CAMTA1: variants seen among roughly 807,000 people sequenced by gnomAD.
CAMTA1 encodes calmodulin binding transcription activator 1, also known as calmodulin-binding transcription activator 1.
In CAMTA1, 27 loss-of-function variants were observed where a neutral mutation model predicts 170.9. That is an observed-to-expected ratio of 0.16 (90% CI 0.12 to 0.22). The LOEUF (loss-of-function observed/expected upper bound fraction) is 0.22, where lower values mean the gene tolerates loss of function less well. Among genes scored for constraint, CAMTA1 ranks in the 10% least tolerant of loss-of-function variants. The pLI is 1.00. For synonymous variants in CAMTA1, 833 were observed against 891.5 expected, an observed-to-expected ratio of 0.93 and a Z score of 1.17; for missense variants, 1,619 against 2,217.2, an observed-to-expected ratio of 0.73 and a Z score of 5.42.
chr1:7,319,669 T>C (rs1678069836), intron 5 of CAMTA1, among the ~76,000 whole-genome samples: 1 of 152,184 alleles, frequency 6.6e-6, no homozygotes, highest in African/African-American at 2.4e-5. Flanking sequence ...AATCATTCAT[T>C]CATTCACTCA....
chr1:6,957,795 C>T (rs1031905615), intron 3 of CAMTA1, among the ~76,000 whole-genome samples: 4 of 152,046 alleles, frequency 2.6e-5, no homozygotes, highest in South Asian at 2.1e-4. Context: ...AGGATTATGA[C>T]GTGGACATCT....
intron 5 of CAMTA1, among the ~76,000 whole-genome samples, chr1:7,265,186 A>G: frequency 6.6e-6 from 1 of 152,202 alleles, no homozygotes; most frequent in Non-Finnish European, 1.5e-5. Context: ...GCCAGCAGCC[A>G]TGAGCCACAT....
At chr1:7,153,414 C>T (rs185397581) in intron 4 of CAMTA1, among the ~76,000 whole-genome samples, 11 of 152,136 alleles carry the variant, frequency 7.2e-5, no homozygotes, top group Admixed American at 3.3e-4. Flanking sequence ...CATTTGCAAG[C>T]GTTATTTGAG....
At chr1:7,222,368 G>T (rs1209613173) in intron 4 of CAMTA1, among the ~76,000 whole-genome samples, 1 of 152,122 alleles carries the variant, frequency 6.6e-6, no homozygotes. Flanking sequence ...GCTGAGATTT[G>T]ATCCTCATGG....
chr1:7,210,300 A>G (rs1429521121), intron 4 of CAMTA1, among the ~76,000 whole-genome samples: 2 of 152,182 alleles, frequency 1.3e-5, no homozygotes, highest in Non-Finnish European at 2.9e-5. Context: ...TGCAGCATAC[A>G]GGCCATTTAT....
At chr1:7,053,440 C>G (rs1202931494) in intron 3 of CAMTA1, among the ~76,000 whole-genome samples, 1 of 152,230 alleles carries the variant, frequency 6.6e-6, no homozygotes, top group Non-Finnish European at 1.5e-5. Context: ...CCTCTGCGCC[C>G]TTGCTCTAGA....
intron 5 of CAMTA1, among the ~76,000 whole-genome samples, chr1:7,305,747 T>C (rs78477058): frequency 0.017 from 2,591 of 152,184 alleles, 83 homozygotes; most frequent in African/African-American, 0.059. Flanking sequence ...AACACTCAGA[T>C]GTGGAATGGT....
chr1:7,601,385 C>T (rs1397786925), intron 6 of CAMTA1, among the ~76,000 whole-genome samples: 14 of 151,744 alleles, frequency 9.2e-5, no homozygotes, highest in African/African-American at 2.4e-4. Flanking sequence ...AGACGATGGG[C>T]GGCCTGGCAG....
At chr1:7,321,219 G>A (rs1678369201) in intron 5 of CAMTA1, among the ~76,000 whole-genome samples, 4 of 152,174 alleles carry the variant, frequency 2.6e-5, no homozygotes. Flanking sequence ...AGCCTCCCAG[G>A]CATCCAACTT....
chr1:6,892,825 A>G (rs1184417928), intron 3 of CAMTA1, among the ~76,000 whole-genome samples: 1 of 151,984 alleles, frequency 6.6e-6, no homozygotes, highest in South Asian at 2.1e-4. Flanking sequence ...GTTCTAGACT[A>G]TGAGATCTCA....
At chr1:7,583,838 G>A (rs567317138) in intron 6 of CAMTA1, among the ~76,000 whole-genome samples, 4 of 152,236 alleles carry the variant, frequency 2.6e-5, no homozygotes, top group South Asian at 2.1e-4. Flanking sequence ...GCCGTCTCCC[G>A]GGAGGTAGAC....
intron 5 of CAMTA1, among the ~76,000 whole-genome samples, chr1:7,280,806 C>G (rs548991495): frequency 2.0e-5 from 3 of 152,278 alleles, no homozygotes; most frequent in Admixed American, 2.0e-4. Flanking sequence ...ATGACATTAG[C>G]GTCTGGAAGG....
chr1:7,581,940 C>T (rs1449276956), intron 6 of CAMTA1, among the ~76,000 whole-genome samples: 4 of 152,226 alleles, frequency 2.6e-5, no homozygotes, highest in African/African-American at 9.6e-5. Context: ...TTACACAAAG[C>T]TGCACAGCCC....
At chr1:6,924,144 CTGCCACA>C (rs559226056) in intron 3 of CAMTA1, among the ~76,000 whole-genome samples, 15 of 152,340 alleles carry the variant, frequency 9.8e-5, no homozygotes, top group Non-Finnish European at 1.6e-4. Flanking sequence ...TATTGAACAC[CTGCCACA>C]TGCCAGGCAC....
At chr1:7,571,259 A>C (rs1173269963) in intron 6 of CAMTA1, among the ~76,000 whole-genome samples, 2 of 152,150 alleles carry the variant, frequency 1.3e-5, no homozygotes, top group African/African-American at 4.8e-5. Flanking sequence ...CACAGGGTGG[A>C]AGGGGCAAGG....
chr1:7,732,365 T>C lies in CAMTA1; in HGVS notation c.2915-83T>C, dbSNP rs2096740233. 2 of 1,210,222 alleles carry C rather than the reference T, an allele frequency of 1.7e-6. No individual in the cohort carries two copies. 75.0% of individuals were successfully genotyped at this position (1,210,222 alleles called of 1,614,324 possible). A position where few individuals can be genotyped will look rare whatever the true frequency, so the allele number is the denominator to read the frequency against. ...GAAGTTACGGACGGCATTTGGATGC[T>C]GGTCCCGCAAGGCTGGCGAGGCCAC... On this transcript the variant is annotated intron_variant, in intron 11 of 22. Coordinates refer to ENST00000303635, the MANE Select transcript of CAMTA1 (RefSeq NM_015215.4). The surrounding 1 kb of genome is among the most constrained non-coding windows in gnomAD (Gnocchi z 4.1).
chr1:7,706,269 A>G (rs951741834), intron 11 of CAMTA1, among the ~76,000 whole-genome samples: 1 of 152,246 alleles, frequency 6.6e-6, no homozygotes, highest in Non-Finnish European at 1.5e-5. Flanking sequence ...AGATAACTAC[A>G]GAAATGCCTC....
chr1:7,230,872 C>T (rs527751767), intron 4 of CAMTA1, among the ~76,000 whole-genome samples: 1 of 152,198 alleles, frequency 6.6e-6, no homozygotes, highest in Admixed American at 6.5e-5. Flanking sequence ...GGCCCTCAGT[C>T]CTGTCTTGTT....
chr1:7,214,730 TG>T (rs796701322), intron 4 of CAMTA1, among the ~76,000 whole-genome samples: 66 of 152,308 alleles, frequency 4.3e-4, no homozygotes, highest in African/African-American at 1.5e-3. Flanking sequence ...GTGCTTTAGG[TG>T]TTAAGTTTAA....
Sources: gnomAD v4.1 joint callset for allele counts (sites outside exome capture counted in the v4.1 genomes callset) on GRCh38, gnomAD v4.1.1 for gene constraint, Gnocchi (gnomAD v3.1) non-coding constraint, MANE v1.5 for transcripts, NCBI Gene and HGNC (gene_info 2026-07-23, HGNC 2026-07-21) for gene names.